The following TAFA2 variants were observed in gnomAD, a reference collection of about 807,000 sequenced individuals.
TAFA2 encodes the protein chemokine-like protein TAFA-2.
Under a neutral mutation model 18.8 loss-of-function variants are expected in TAFA2, and 7 were observed. That is an observed-to-expected ratio of 0.37 (90% CI 0.21 to 0.70). The LOEUF (loss-of-function observed/expected upper bound fraction) is 0.70. Ranked by LOEUF, TAFA2 falls within the 30% of genes least tolerant of loss-of-function variation. The pLI is 0.53. For missense variants in TAFA2, 122 were observed against 158.1 expected, an observed-to-expected ratio of 0.77 and a Z score of 1.23; for synonymous variants, 60 against 54.2, an observed-to-expected ratio of 1.11 and a Z score of -0.47.
Position 62,018,068 on chromosome 12 carries a change from T to TC in TAFA2, c.-1-150643dup, listed in dbSNP as rs576709484. Among the ~76,000 whole-genome samples the TC allele has an allele frequency of 2.7e-4, 41 of 152,260 alleles. 1 individual carries two copies. The East Asian group carries it at 7.7e-3, about 29-fold the overall frequency. ...ATAGTTTGGGAGAATGCAGGGAATT[T>TC]CCCCATGGAAATGGGGAGAGATATG... On this transcript the variant is annotated intron_variant, in intron 1 of 4. Coordinates refer to ENST00000416284, the MANE Select transcript of TAFA2 (RefSeq NM_178539.5).
Position 61,979,864 on chromosome 12 carries a change from G to A in TAFA2, c.-1-112438C>T, listed in dbSNP as rs201768058. 5.9e-5 allele frequency among the ~76,000 whole-genome samples: 9 copies of A among 152,086 alleles called. No homozygotes were observed. In the East Asian group the frequency reaches 1.7e-3, roughly 29 times the overall value. ...TATGGCAAACGAGACTGGAAGGGAA[G>A]CCTCTGCAAAAGAAGTTTCATGGAA... On this transcript the variant is annotated intron_variant, in intron 1 of 4. Transcript: ENST00000416284.
rs532975666 is a variant in TAFA2, at chr12:62,029,254, CT to C, written c.-1-161829del. Among the ~76,000 whole-genome samples the C allele has an allele frequency of 1.2e-4, 18 of 152,264 alleles. No homozygotes were observed. The South Asian group carries it at 3.7e-3, about 32-fold the overall frequency. On this transcript the variant is annotated intron_variant, in intron 1 of 4. Coordinates refer to ENST00000416284, the MANE Select transcript of TAFA2 (RefSeq NM_178539.5). ...AGCTCCCAGTGGAAGCAGGGTTTCACTTGACGGAAAGAAGAAAACCATTAAT... is the reference window on the plus strand; with the variant it reads ...AGCTCCCAGTGGAAGCAGGGTTTCACTGACGGAAAGAAGAAAACCATTAAT...
At chr12:61,728,397 T>A (rs115747393) in intron 4 of TAFA2, among the ~76,000 whole-genome samples, 2,862 of 152,166 alleles carry the variant, frequency 0.019, 98 homozygotes, top group African/African-American at 0.065. Context: ...TTAATAAATT[T>A]GGGATCTCCA....
At chr12:62,146,118 AAC>A (rs1331905614) in intron 1 of TAFA2, among the ~76,000 whole-genome samples, 1 of 152,138 alleles carries the variant, frequency 6.6e-6, no homozygotes, top group Non-Finnish European at 1.5e-5. Context: ...ATCCTGGAGT[AAC>A]AGTTTCCCCG....
rs537824180 is a variant in TAFA2, at chr12:61,745,667, TATA to T, written c.384+7952_384+7954del. Among the ~76,000 whole-genome samples the T allele has an allele frequency of 5.9e-5, 9 of 152,258 alleles. No individual in the cohort carries two copies. In the South Asian group the frequency reaches 1.9e-3, roughly 32 times the overall value. ...CATGTGGTATGCAGAATTCCAAAGA[TATA>T]CTCCCGAGATTTTCATCCCTTGATT... On this transcript the variant is annotated intron_variant, in intron 4 of 4. Transcript: ENST00000416284.
chr12:62,170,553 T>A (rs2062470572), intron 1 of TAFA2, among the ~76,000 whole-genome samples: 1 of 152,246 alleles, frequency 6.6e-6, no homozygotes, highest in African/African-American at 2.4e-5. Context: ...TGTTTATTAC[T>A]TCTCTATAGG....
intron 1 of TAFA2, among the ~76,000 whole-genome samples, chr12:62,169,911 C>T (rs984103772): frequency 1.3e-4 from 20 of 150,546 alleles, no homozygotes; most frequent in Non-Finnish European, 2.2e-4. Flanking sequence ...TTAATAAATG[C>T]TTTTGTTAAT....
intron 1 of TAFA2, among the ~76,000 whole-genome samples, chr12:61,959,773 A>G (rs184460878): frequency 6.6e-6 from 1 of 152,218 alleles, no homozygotes; most frequent in Admixed American, 6.6e-5. Context: ...CATTTTTTTC[A>G]GACTGAACTA....
intron 1 of TAFA2, among the ~76,000 whole-genome samples, chr12:62,141,752 A>C (rs2062241319): frequency 6.6e-6 from 1 of 152,214 alleles, no homozygotes. Flanking sequence ...GGGGGAGCTG[A>C]ATGACTATTT....
intron 1 of TAFA2, among the ~76,000 whole-genome samples, chr12:62,026,384 A>T (rs1239878092): frequency 6.6e-6 from 1 of 152,092 alleles, no homozygotes; most frequent in Non-Finnish European, 1.5e-5. Flanking sequence ...ACAACAGGGC[A>T]AACCCATGAT....
At chr12:61,883,179 A>C (rs894983079) in intron 1 of TAFA2, among the ~76,000 whole-genome samples, 1 of 152,200 alleles carries the variant, frequency 6.6e-6, no homozygotes, top group African/African-American at 2.4e-5. Flanking sequence ...TAAACAAAAA[A>C]AATTCATCTT....
rs549173190 is a variant in TAFA2, at chr12:61,749,306, A to G, written c.384+4316T>C. Among the ~76,000 whole-genome samples the G allele has an allele frequency of 3.3e-5, 5 of 151,930 alleles. No individual in the cohort carries two copies. In the South Asian group the frequency reaches 8.3e-4, roughly 25 times the overall value. On this transcript the variant is annotated intron_variant, in intron 4 of 4. Transcript: ENST00000416284. ...GAGAAAAAAAGAAAAGAATAACATA[A>G]CTGTACACTACTCATTCCTCCATTC...
intron 1 of TAFA2, among the ~76,000 whole-genome samples, chr12:62,204,875 G>A (rs2062685537): frequency 6.6e-6 from 1 of 152,054 alleles, no homozygotes; most frequent in Non-Finnish European, 1.5e-5. Context: ...TTGCTGGGGA[G>A]GTGCTATGAT....
At chr12:61,892,254 C>T (rs1053773993) in intron 1 of TAFA2, among the ~76,000 whole-genome samples, 5 of 151,816 alleles carry the variant, frequency 3.3e-5, no homozygotes, top group Admixed American at 6.6e-5. Flanking sequence ...GTCATTACTA[C>T]GATGGAGAGA....
intron 1 of TAFA2, among the ~76,000 whole-genome samples, chr12:61,920,724 G>A (rs1877015573): frequency 6.6e-6 from 1 of 151,728 alleles, no homozygotes; most frequent in African/African-American, 2.4e-5. Flanking sequence ...AAGATCCCTA[G>A]CCAAACAACC....
chr12:61,879,320 G>A, intron 1 of TAFA2: 1 of 519,898 alleles, frequency 1.9e-6, no homozygotes, highest in African/African-American at 1.9e-5. Context: ...CCTCCACCAT[G>A]TCCATCAAGG....
At chr12:61,715,635 A>G (rs1869622065) in intron 4 of TAFA2, among the ~76,000 whole-genome samples, 2 of 151,886 alleles carry the variant, frequency 1.3e-5, no homozygotes, top group Admixed American at 1.3e-4. Flanking sequence ...TACAGGCATG[A>G]GCCACCGCGC....
At chr12:61,783,725 A>T (rs1473981707) in intron 2 of TAFA2, among the ~76,000 whole-genome samples, 1 of 151,620 alleles carries the variant, frequency 6.6e-6, no homozygotes, top group Non-Finnish European at 1.5e-5. Flanking sequence ...TTTTAAATTT[A>T]ACTCATTGAA....
At chr12:62,145,303 A>G (rs1182608047) in intron 1 of TAFA2, among the ~76,000 whole-genome samples, 4 of 152,220 alleles carry the variant, frequency 2.6e-5, no homozygotes, top group Non-Finnish European at 5.9e-5. Context: ...GCCTCCTGTC[A>G]GTTGGCGGTG....
Sources: allele counts gnomAD v4.1 joint callset (sites outside exome capture counted in the v4.1 genomes callset), GRCh38; gene constraint gnomAD v4.1.1; transcripts MANE v1.5; gene names NCBI Gene and HGNC (gene_info 2026-07-23, HGNC 2026-07-21).